Variants in CALCR observed in about 807,000 individuals in gnomAD.
The protein encoded by CALCR is calcitonin receptor.
In CALCR, 47 loss-of-function variants were observed where a neutral mutation model predicts 59.5. The observed-to-expected ratio is 0.79, with a 90% CI of 0.63 to 1.01. The LOEUF (loss-of-function observed/expected upper bound fraction) is 1.01, where lower values mean the gene tolerates loss of function less well. Among genes scored for constraint, CALCR ranks in the 50% least tolerant of loss-of-function variants. CALCR has a pLI of 0.00. For synonymous variants in CALCR, 213 were observed against 211.3 expected (o/e 1.01, Z -0.07); for missense variants, 566 against 597.1 (o/e 0.95, Z 0.54).
chr7:93,462,117 T>C, intron 7 of CALCR: 1 of 1,462,736 alleles, frequency 6.8e-7, no homozygotes, highest in Non-Finnish European at 9.2e-7. Context: ...TTTTCTGCAA[T>C]AAAAAGCAAT....
chr7:93,546,730 T>A, intron 2 of CALCR, among the ~76,000 whole-genome samples: 1 of 150,376 alleles, frequency 6.6e-6, no homozygotes, highest in African/African-American at 2.4e-5. Context: ...TTTTTGTATT[T>A]TTTTTTTTTT....
intron 2 of CALCR, among the ~76,000 whole-genome samples, chr7:93,490,399 C>T (rs1470648264): frequency 6.6e-6 from 1 of 151,650 alleles, no homozygotes; most frequent in Non-Finnish European, 1.5e-5. Flanking sequence ...GAAATTCTGG[C>T]CAGGGCAATA....
At chr7:93,511,926 T>C (rs1162824945) in intron 2 of CALCR, among the ~76,000 whole-genome samples, 2 of 152,206 alleles carry the variant, frequency 1.3e-5, no homozygotes, top group African/African-American at 2.4e-5. Context: ...GCATGCGCTA[T>C]GGGCATATAA....
intron 2 of CALCR, among the ~76,000 whole-genome samples, chr7:93,522,639 C>A (rs1183713566): frequency 2.0e-5 from 3 of 152,136 alleles, no homozygotes; most frequent in African/African-American, 7.2e-5. Flanking sequence ...CATTTTGAAT[C>A]TAAGTGAGTC....
intron 2 of CALCR, among the ~76,000 whole-genome samples, chr7:93,547,579 C>A (rs1789323626): frequency 6.6e-6 from 1 of 152,126 alleles, no homozygotes; most frequent in Non-Finnish European, 1.5e-5. Flanking sequence ...GTTTTATGGA[C>A]AGGAAAGCAG....
intron 13 of CALCR, among the ~76,000 whole-genome samples, chr7:93,429,430 A>G (rs939193774): frequency 9.2e-5 from 14 of 152,238 alleles, no homozygotes; most frequent in African/African-American, 3.4e-4. Context: ...ATCACTCACT[A>G]AAAAAGCAAT....
chr7:93,509,488 C>G lies in CALCR; in HGVS notation c.-26-22481G>C, dbSNP rs532102987. On this transcript the variant is annotated intron_variant, in intron 2 of 13. Transcript: ENST00000426151. ...ACAAAAACAAAACAAAATGAAAAAA[C>G]TTTTAAGACAACTCAGCAAAAAAAT... Among the ~76,000 whole-genome samples the G allele has an allele frequency of 3.3e-5, 5 of 152,030 alleles. No individual in the cohort carries two copies. In the South Asian group the frequency reaches 1.0e-3, roughly 31 times the overall value.
intron 3 of CALCR, chr7:93,482,885 G>A (rs527958529): frequency 5.6e-6 from 3 of 531,540 alleles, no homozygotes; most frequent in East Asian, 1.1e-4. Context: ...CAGATGAGCA[G>A]TAATAATCTG....
intron 7 of CALCR, among the ~76,000 whole-genome samples, chr7:93,463,008 T>A (rs1026087135): frequency 2.6e-5 from 4 of 151,490 alleles, no homozygotes; most frequent in African/African-American, 7.3e-5. Flanking sequence ...CATTTTTTTT[T>A]AAATTTAAAA....
chr7:93,443,538 A>G (rs1332903885), intron 9 of CALCR, 66 bp downstream of exon 9: 1 of 1,458,740 alleles, frequency 6.9e-7, no homozygotes, highest in African/African-American at 1.4e-5. Flanking sequence ...CCAAGACTAG[A>G]AGAAGACTGA....
intron 7 of CALCR, 37 bp downstream of exon 7, chr7:93,468,678 G>A (rs753385759): frequency 3.6e-6 from 5 of 1,400,224 alleles, no homozygotes; most frequent in African/African-American, 1.4e-5. Context: ...GTAACTTAAA[G>A]GAGGAAATAA....
chr7:93,573,206 T>C (rs1790044641), intron 2 of CALCR, among the ~76,000 whole-genome samples: 1 of 152,204 alleles, frequency 6.6e-6, no homozygotes, highest in South Asian at 2.1e-4. Flanking sequence ...ATAAATTCCA[T>C]AATACTAAAA....
intron 2 of CALCR, among the ~76,000 whole-genome samples, chr7:93,565,829 A>AG (rs1381328882): frequency 2.0e-5 from 3 of 152,184 alleles, no homozygotes; most frequent in African/African-American, 7.2e-5. Flanking sequence ...ATAAACACCA[A>AG]TGTTTTCTAT....
At chr7:93,481,178 A>G (rs1800788094) in intron 3 of CALCR, among the ~76,000 whole-genome samples, 1 of 151,886 alleles carries the variant, frequency 6.6e-6, no homozygotes, top group East Asian at 1.9e-4. Flanking sequence ...GGTTCAAAAC[A>G]TTTTAGCTAA....
chr7:93,461,039 T>G, intron 7 of CALCR, 92 bp from the exon 8 acceptor site: 1 of 1,124,746 alleles, frequency 8.9e-7, no homozygotes, highest in Non-Finnish European at 1.3e-6. Context: ...CATATTTTCT[T>G]TAAAAAAAAG....
chr7:93,436,833 T>TC (rs1354840845), intron 11 of CALCR, among the ~76,000 whole-genome samples: 1 of 152,194 alleles, frequency 6.6e-6, no homozygotes, highest in Non-Finnish European at 1.5e-5. Context: ...ATTTACTTTT[T>TC]CCCCACACAT....
rs144964587 is a variant in CALCR at position 93,485,406 on chromosome 7, T to A, written c.51+1525A>T. On this transcript the variant is annotated intron_variant, in intron 3 of 13. Transcript: ENST00000426151. ...GACCTACGTTGCTTTTTGAACACAC[T>A]ACAAATTTTCTAAAGCCTTTGTAAT... Among the ~76,000 whole-genome samples, 529 of 151,852 alleles carry A rather than the reference T, an allele frequency of 3.5e-3. 3 individuals carry two copies. Among genetic ancestry groups the A allele is most frequent in the African/African-American group, 0.012 (497 of 41,528 alleles).
intron 2 of CALCR, among the ~76,000 whole-genome samples, chr7:93,512,125 G>C (rs964628976): frequency 1.3e-5 from 2 of 152,134 alleles, no homozygotes; most frequent in Non-Finnish European, 2.9e-5. Flanking sequence ...CCTCTTCAGT[G>C]GTGGCTGAAA....
intron 2 of CALCR, among the ~76,000 whole-genome samples, chr7:93,513,226 A>G (rs1801584924): frequency 6.6e-6 from 1 of 152,212 alleles, no homozygotes; most frequent in Non-Finnish European, 1.5e-5. Context: ...GTAATCTCAA[A>G]TGACAATTGG....
Sources: allele counts gnomAD v4.1 joint callset (sites outside exome capture counted in the v4.1 genomes callset), GRCh38; gene constraint gnomAD v4.1.1; transcripts MANE v1.5; gene names NCBI Gene and HGNC (gene_info 2026-07-23, HGNC 2026-07-21).